GEMIN6: variants seen among roughly 807,000 people sequenced by gnomAD.
The protein encoded by GEMIN6 is gem-associated protein 6.
A neutral mutation model predicts 14.1 loss-of-function variants in GEMIN6; 13 were observed. That is an observed-to-expected ratio of 0.92 (90% CI 0.60 to 1.46). The LOEUF (loss-of-function observed/expected upper bound fraction) is 1.46, where lower values mean the gene tolerates loss of function less well. Among genes scored for constraint, GEMIN6 ranks in the 40% most tolerant of loss-of-function variants. GEMIN6 has a pLI of 0.00. For missense variants in GEMIN6, 271 were observed against 202.4 expected (o/e 1.34, Z -2.06); for synonymous variants, 87 against 70.0 (o/e 1.24, Z -1.21).
rs1669165831 is a variant in GEMIN6 at position 38,784,699 on chromosome 2, A to G, written c.*2807A>G. Reference sequence around the variant, plus strand: ...GCAACTGAGTCCTCTGATTGTGTAAACAATTTGCCTGCAAACAAAACCTGA... The same window carrying G: ...GCAACTGAGTCCTCTGATTGTGTAAGCAATTTGCCTGCAAACAAAACCTGA... On this transcript the variant is annotated 3_prime_UTR_variant, in exon 3 of 3. Transcript: ENST00000281950. 6.6e-6 allele frequency: 1 copy of G among 152,082 alleles called. No homozygotes were observed. Among genetic ancestry groups the G allele is most frequent in the African/African-American group, 2.4e-5 (1 of 41,372 alleles). 9.4% of individuals were successfully genotyped at this position (152,082 alleles called of 1,614,324 possible). A position where few individuals can be genotyped will look rare whatever the true frequency, so the allele number is the denominator to read the frequency against.
rs201716703 is a variant in GEMIN6 at position 38,781,599 on chromosome 2, A to G, written c.211A>G (p.Met71Val). 5.6e-6 allele frequency: 9 copies of G among 1,614,202 alleles called. No homozygotes were observed. In the East Asian group the frequency reaches 1.6e-4, roughly 28 times the overall value. Residue 71 changes from methionine (M) to valine (V), a missense_variant, in exon 3 of 3, where the codon ATG (methionine) becomes GTG (valine). Met to Val is a conservative substitution (Grantham distance 21, BLOSUM62 1). Coordinates refer to ENST00000281950, the MANE Select transcript of GEMIN6 (RefSeq NM_024775.10). ...MGHAVQTVET[M>V]NEGDHRVREK... ...ACATGCTGTGCAGACTGTTGAAACT[A>G]TGAATGAAGGGGACCATAGAGTGAG...
In GEMIN6 at chr2:38,782,820, G is replaced by C. The variant is rs1301063941; in HGVS notation, c.*928G>C. The C allele has an allele frequency of 1.3e-5, 2 of 151,778 alleles. No individual in the cohort carries two copies. Among genetic ancestry groups the C allele is most frequent in the African/African-American group, 2.4e-5 (1 of 41,286 alleles). 9.4% of individuals were successfully genotyped at this position (151,778 alleles called of 1,614,324 possible). On this transcript the variant is annotated 3_prime_UTR_variant, in exon 3 of 3. Transcript: ENST00000281950. Reference sequence around the variant, plus strand: ...TCAAAAAAAAAAAAAAAAATTATTGGAACACAGCATTACCTATTGAATTAC... The same window carrying C: ...TCAAAAAAAAAAAAAAAAATTATTGCAACACAGCATTACCTATTGAATTAC...
rs1558338730 is a variant in GEMIN6, at chr2:38,781,731, A to T, written c.343A>T (p.Ile115Phe). Residue 115 changes from isoleucine to phenylalanine, a missense_variant, in exon 3 of 3, where the codon ATC becomes TTC. Physicochemically the swap from Ile to Phe is conservative, Grantham distance 21 (BLOSUM62 0). Coordinates refer to ENST00000281950, the MANE Select transcript of GEMIN6 (RefSeq NM_024775.10). The part of the protein sequence containing the change: ...SLKKWLEKNH[I>F]PITEQGDAPR... ...AAAGAAATGGCTTGAGAAGAACCAC[A>T]TCCCCATCACTGAACAGGGAGACGC... 1.9e-6 allele frequency: 3 copies of T among 1,614,136 alleles called. No individual in the cohort carries two copies. The highest frequency in any genetic ancestry group is 2.5e-6 in the Non-Finnish European group (3 of 1,180,024).
rs1558338399 is a variant in GEMIN6, at chr2:38,780,974, C to CTTTT, written c.129-541_129-540insTTTT. ...CTAAAAGTTAAGTCTACCCTGCCTT[C>CTTTT]TTCTTTTTTTTTTTTTTTCCACGAC... On this transcript the variant is annotated intron_variant, in intron 2 of 2. Transcript: ENST00000281950. Among the ~76,000 whole-genome samples the CTTTT allele has an allele frequency of 6.1e-5, 2 of 32,856 alleles. 1 individual carries two copies. The highest frequency in any genetic ancestry group is 2.0e-4 in the Non-Finnish European group (2 of 10,230). 21.6% of individuals were successfully genotyped at this position (32,856 alleles called of 152,430 possible).
At chr2:38,779,995 T>G (rs752723724) in intron 2 of GEMIN6, among the ~76,000 whole-genome samples, 2 of 151,380 alleles carry the variant, frequency 1.3e-5, no homozygotes, top group Non-Finnish European at 2.9e-5. Flanking sequence ...TAATTTTGTT[T>G]ATAAATACTT....
intron 2 of GEMIN6, among the ~76,000 whole-genome samples, chr2:38,779,897 G>A (rs1669041979): frequency 6.7e-6 from 1 of 149,632 alleles, no homozygotes; most frequent in Admixed American, 6.7e-5. Flanking sequence ...TGGCCAGGCT[G>A]GTCTCAAACT....
intron 2 of GEMIN6, among the ~76,000 whole-genome samples, chr2:38,780,395 C>T (rs1037004920): frequency 1.3e-5 from 2 of 151,356 alleles, no homozygotes; most frequent in Non-Finnish European, 2.9e-5. Flanking sequence ...GATGGAGTCT[C>T]GCTGTGTTGC....
rs969173060 is a variant in GEMIN6 at position 38,782,668 on chromosome 2, G to T, written c.*776G>T. The T allele has an allele frequency of 6.6e-6, 1 of 151,282 alleles. No individual in the cohort carries two copies. Among genetic ancestry groups the T allele is most frequent in the Non-Finnish European group, 1.5e-5 (1 of 67,910 alleles). 9.4% of individuals were successfully genotyped at this position (151,282 alleles called of 1,614,324 possible). ...AAAAATTAGCCGGGCGTGGTGGCAG[G>T]TGCCTGTAGTCCCAGCTACTCAGGA... On this transcript the variant is annotated 3_prime_UTR_variant, in exon 3 of 3. Transcript: ENST00000281950.
intron 2 of GEMIN6, among the ~76,000 whole-genome samples, chr2:38,780,292 C>T (rs1389693078): frequency 1.3e-5 from 2 of 150,882 alleles, no homozygotes; most frequent in Non-Finnish European, 3.0e-5. Context: ...TGCACTCTAG[C>T]CTGGATGACA....
In GEMIN6 at chr2:38,781,664, A is replaced by C; in HGVS notation, c.276A>C (p.Lys92Asn). ...ATTTGTTCACGTCTGGAGACTGCAA[A>C]GCATACAGCCCAGAGGATCTGGAAG... ...LMHLFTSGDC[K>N]AYSPEDLEER... The change falls in exon 3 of 3, where the codon AAA becomes AAC. Residue 92 changes from lysine to asparagine, a missense_variant. Transcript: ENST00000281950. 1 of 1,614,212 alleles carries C rather than the reference A, an allele frequency of 6.2e-7. No homozygotes were observed. The highest frequency in any genetic ancestry group is 1.1e-5 in the South Asian group (1 of 91,086).
chr2:38,781,709 G>C lies in GEMIN6; in HGVS notation c.321G>C (p.Lys107Asn). ...EDLEERKNSL[K>N]KWLEKNHIPI... is the part of the protein sequence containing the mutation. The stretch of plus-strand genomic sequence containing the variant: ...TGGAAGAGAGAAAGAACAGCCTAAA[G>C]AAATGGCTTGAGAAGAACCACATCC... The change falls in exon 3 of 3, where the codon AAG becomes AAC. Residue 107 changes from lysine to asparagine, a missense_variant. Transcript: ENST00000281950. 1 of 1,614,102 alleles carries C rather than the reference G, an allele frequency of 6.2e-7. No homozygotes were observed. The highest frequency in any genetic ancestry group is 2.2e-5 in the East Asian group (1 of 44,894).
chr2:38,778,984 G>C lies in GEMIN6; in HGVS notation c.-7G>C. ...GTGGTTGTTTCAGATTTAGCCAGGTGGCAATCATGAGTGAATGGATGAAGA... is the reference window on the plus strand; with the variant it reads ...GTGGTTGTTTCAGATTTAGCCAGGTCGCAATCATGAGTGAATGGATGAAGA... On this transcript the variant is annotated 5_prime_UTR_variant, in exon 2 of 3. Transcript: ENST00000281950. 1 of 1,607,484 alleles carries C rather than the reference G, an allele frequency of 6.2e-7. No individual in the cohort carries two copies. The highest frequency in any genetic ancestry group is 8.5e-7 in the Non-Finnish European group (1 of 1,177,454).
intron 2 of GEMIN6, among the ~76,000 whole-genome samples, chr2:38,779,658 ATATATATTTTTTTTTTT>A (rs1429869069): frequency 1.0e-4 from 3 of 29,574 alleles, no homozygotes; most frequent in South Asian, 2.1e-3. Context: ...ATATATATAT[ATATATATTTTTTTTTTT>A]TTTTTTTTTT....
intron 2 of GEMIN6, among the ~76,000 whole-genome samples, chr2:38,779,635 A>AATATATATATATATATAT (rs1413852966): frequency 4.2e-5 from 2 of 48,032 alleles, no homozygotes; most frequent in African/African-American, 1.7e-4. Flanking sequence ...AATTATTCTT[A>AATATATATATATATATAT]CTATATATAT....
chr2:38,779,182 C>T (rs1046460205), intron 2 of GEMIN6, 64 bp downstream of exon 2: 4 of 1,446,978 alleles, frequency 2.8e-6, no homozygotes, highest in Admixed American at 2.2e-5. Flanking sequence ...ATGTTATAGA[C>T]AAACTAAGAA....
intron 2 of GEMIN6, among the ~76,000 whole-genome samples, chr2:38,780,698 G>A (rs1317723832): frequency 2.0e-5 from 3 of 148,688 alleles, no homozygotes; most frequent in African/African-American, 7.5e-5. Flanking sequence ...GCTCGATCTC[G>A]GCTCACTGCA....
rs796419612 is a variant in GEMIN6 at position 38,782,166 on chromosome 2, A to T, written c.*274A>T. The T allele has an allele frequency of 5.5e-5, 16 of 290,972 alleles. No individual in the cohort carries two copies. The highest frequency in any genetic ancestry group is 3.6e-4 in the African/African-American group (16 of 44,892). The allele number at this position is 290,972 out of a possible 1,614,324, so 18.0% of individuals were successfully genotyped here. A position where few individuals can be genotyped will look rare whatever the true frequency, so the allele number is the denominator to read the frequency against. Reference sequence around the variant, plus strand: ...TTTCTTTTTTTCTTTTTTTTTTGAGATGGAGTCTCGCTCTGTTGCCAGGTT... The same window carrying T: ...TTTCTTTTTTTCTTTTTTTTTTGAGTTGGAGTCTCGCTCTGTTGCCAGGTT... On this transcript the variant is annotated 3_prime_UTR_variant, in exon 3 of 3. Coordinates refer to ENST00000281950, the MANE Select transcript of GEMIN6 (RefSeq NM_024775.10).
In GEMIN6 at chr2:38,781,896, G is replaced by A. The variant is rs777488638; in HGVS notation, c.*4G>A. Reference sequence around the variant, plus strand: ...ACATCTTACAGCTTCCCAATGAGAGGCCAGGAAGTGTGAACATACTGATAG... The same window carrying A: ...ACATCTTACAGCTTCCCAATGAGAGACCAGGAAGTGTGAACATACTGATAG... On this transcript the variant is annotated 3_prime_UTR_variant, in exon 3 of 3. Transcript: ENST00000281950. 1 of 1,595,738 alleles carries A rather than the reference G, an allele frequency of 6.3e-7. No homozygotes were observed. The highest frequency in any genetic ancestry group is 8.5e-7 in the Non-Finnish European group (1 of 1,170,730).
chr2:38,778,984 G>A lies in GEMIN6; in HGVS notation c.-7G>A, dbSNP rs1347832452. 3.1e-6 allele frequency: 5 copies of A among 1,607,484 alleles called. No homozygotes were observed. Among genetic ancestry groups the A allele is most frequent in the Non-Finnish European group, 3.4e-6 (4 of 1,177,454 alleles). ...GTGGTTGTTTCAGATTTAGCCAGGT[G>A]GCAATCATGAGTGAATGGATGAAGA... On this transcript the variant is annotated 5_prime_UTR_variant, in exon 2 of 3. Coordinates refer to ENST00000281950, the MANE Select transcript of GEMIN6 (RefSeq NM_024775.10).
Sources: allele counts gnomAD v4.1 joint callset (sites outside exome capture counted in the v4.1 genomes callset), GRCh38; gene constraint gnomAD v4.1.1; transcripts MANE v1.5; gene names NCBI Gene and HGNC (gene_info 2026-07-23, HGNC 2026-07-21).